Variants in RBFOX1 observed in about 807,000 individuals in gnomAD.
RBFOX1 encodes RNA binding fox-1 homolog 1.
In RBFOX1, 8 loss-of-function variants were observed where a neutral mutation model predicts 57.7. The ratio of observed to expected loss-of-function variants is 0.14; its 90% confidence interval spans 0.08 to 0.25. The LOEUF (loss-of-function observed/expected upper bound fraction) is 0.25. RBFOX1 is among the 10% of genes least tolerant of loss of function. RBFOX1 has a pLI of 1.00. For missense variants in RBFOX1, 611 were observed against 548.5 expected (o/e 1.11, Z -1.14); for synonymous variants, 326 against 222.4 (o/e 1.47, Z -4.15).
intron 4 of RBFOX1, among the ~76,000 whole-genome samples, chr16:7,204,542 A>T (rs2089500795): frequency 6.6e-6 from 1 of 152,144 alleles, no homozygotes; most frequent in South Asian, 2.1e-4. Context: ...GTTACGCAGG[A>T]AGCTGAGGAT....
At chr16:6,553,930 C>G (rs908954111) in intron 2 of RBFOX1, among the ~76,000 whole-genome samples, 1 of 152,094 alleles carries the variant, frequency 6.6e-6, no homozygotes, top group Admixed American at 6.6e-5. Flanking sequence ...TCATTCCCAA[C>G]AATTAAGTGT....
intron 3 of RBFOX1, among the ~76,000 whole-genome samples, chr16:6,994,335 C>A (rs751156632): frequency 1.3e-5 from 2 of 152,268 alleles, no homozygotes; most frequent in Non-Finnish European, 2.9e-5. Context: ...TGTCTAGAGT[C>A]TAATGATCTT....
At chr16:5,838,628 G>C (rs765303230) in intron 3 of RBFOX1, 1 of 156,852 alleles carries the variant, frequency 6.4e-6, no homozygotes, top group African/African-American at 2.4e-5. Flanking sequence ...ATCCATGTTA[G>C]CCTGTTTTTT....
At chr16:6,964,633 G>A (rs1217254849) in intron 3 of RBFOX1, among the ~76,000 whole-genome samples, 1 of 152,152 alleles carries the variant, frequency 6.6e-6, no homozygotes, top group Non-Finnish European at 1.5e-5. Context: ...ACGTTAGTTT[G>A]AAGAAAATAA....
At chr16:5,888,241 G>T (rs1169852618) in intron 4 of RBFOX1, among the ~76,000 whole-genome samples, 1 of 152,118 alleles carries the variant, frequency 6.6e-6, no homozygotes, top group Non-Finnish European at 1.5e-5. Flanking sequence ...CTTTCCACTT[G>T]GCCAGGTCCT....
chr16:7,237,732 G>A (rs2093841610), intron 4 of RBFOX1, among the ~76,000 whole-genome samples: 1 of 152,204 alleles, frequency 6.6e-6, no homozygotes, highest in African/African-American at 2.4e-5. Flanking sequence ...GGCCGACTGT[G>A]TGGTGGCTCT....
intron 9 of RBFOX1, among the ~76,000 whole-genome samples, chr16:7,602,120 C>T (rs1172291221): frequency 2.6e-5 from 4 of 152,180 alleles, no homozygotes; most frequent in Non-Finnish European, 4.4e-5. Context: ...AAGAGAAAGC[C>T]TGTGCTGATG....
chr16:5,884,265 G>T (rs905524997), intron 4 of RBFOX1, among the ~76,000 whole-genome samples: 1 of 152,174 alleles, frequency 6.6e-6, no homozygotes. Flanking sequence ...GCAGAGTGTT[G>T]TCCAGTGATA....
chr16:6,283,998 G>C (rs1046793451), intron 1 of RBFOX1, among the ~76,000 whole-genome samples: 3 of 152,168 alleles, frequency 2.0e-5, no homozygotes, highest in Admixed American at 2.0e-4. Flanking sequence ...TGATCTTAGT[G>C]AGCTGTGGAT....
At chr16:5,417,068 C>T (rs1215883267) in intron 1 of RBFOX1, among the ~76,000 whole-genome samples, 1 of 152,226 alleles carries the variant, frequency 6.6e-6, no homozygotes, top group African/African-American at 2.4e-5. Flanking sequence ...CCCAGTGAAT[C>T]CTACCGAAGT....
At position 7,168,519 on chromosome 16, in the gene RBFOX1, T is replaced by A. The variant is rs78591359; in HGVS notation, c.27+116421T>A. ...ATAAGCATCATTTGGCTCATACTGGTACAGAAAACCTTCAATTAAGTTGCA... is the reference window on the plus strand; with the variant it reads ...ATAAGCATCATTTGGCTCATACTGGAACAGAAAACCTTCAATTAAGTTGCA... On this transcript the variant is annotated intron_variant, in intron 4 of 15. Coordinates refer to ENST00000550418, the MANE Select transcript of RBFOX1 (RefSeq NM_018723.4). 2.9e-3 allele frequency among the ~76,000 whole-genome samples: 435 copies of A among 152,084 alleles called. 3 individuals carry two copies. Among genetic ancestry groups the A allele is most frequent in the African/African-American group, 0.01 (416 of 41,526 alleles).
intron 3 of RBFOX1, among the ~76,000 whole-genome samples, chr16:6,997,226 T>A (rs1216184978): frequency 6.6e-6 from 1 of 152,124 alleles, no homozygotes; most frequent in African/African-American, 2.4e-5. Flanking sequence ...AGATGGTAAG[T>A]CCCTTTGAAG....
chr16:5,983,938 C>T (rs1250175505), intron 4 of RBFOX1, among the ~76,000 whole-genome samples: 1 of 144,262 alleles, frequency 6.9e-6, no homozygotes, highest in African/African-American at 2.6e-5. Context: ...CCTCCTCCTC[C>T]TCCTCTTCCT....
At chr16:5,467,570 T>C (rs542460) in intron 2 of RBFOX1, among the ~76,000 whole-genome samples, 22,015 of 152,132 alleles carry the variant, frequency 0.14, 3,070 homozygotes, top group African/African-American at 0.37. Flanking sequence ...TATTTCATCA[T>C]TGAACTTTGA....
At chr16:5,742,270 T>TCC (rs2052798225) in intron 3 of RBFOX1, among the ~76,000 whole-genome samples, 1 of 101,570 alleles carries the variant, frequency 9.8e-6, no homozygotes, top group African/African-American at 3.6e-5. Flanking sequence ...CTTCTTTCCT[T>TCC]TCTTCCTCCC....
chr16:7,367,822 T>C (rs1293230839), intron 4 of RBFOX1, among the ~76,000 whole-genome samples: 1 of 152,122 alleles, frequency 6.6e-6, no homozygotes, highest in Admixed American at 6.5e-5. Flanking sequence ...TGTGGGGATA[T>C]TCATTATGAT....
chr16:6,164,845 AG>A (rs2096905410), intron 1 of RBFOX1, among the ~76,000 whole-genome samples: 1 of 152,158 alleles, frequency 6.6e-6, no homozygotes, highest in Non-Finnish European at 1.5e-5. Flanking sequence ...GTACTTGAAA[AG>A]TTTACTTCTG....
chr16:5,981,588 C>A (rs2060173692), intron 4 of RBFOX1, among the ~76,000 whole-genome samples: 2 of 152,096 alleles, frequency 1.3e-5, no homozygotes, highest in African/African-American at 2.4e-5. Context: ...CCTGCTTCAG[C>A]CTCATGAGTA....
chr16:5,548,673 A>C (rs2045333614), intron 2 of RBFOX1, among the ~76,000 whole-genome samples: 1 of 152,160 alleles, frequency 6.6e-6, no homozygotes, highest in South Asian at 2.1e-4. Flanking sequence ...AAAAAACTAA[A>C]AAAATTTAAA....
Sources: gnomAD v4.1 joint callset for allele counts (sites outside exome capture counted in the v4.1 genomes callset) on GRCh38, gnomAD v4.1.1 for gene constraint, MANE v1.5 for transcripts, NCBI Gene and HGNC (gene_info 2026-07-23, HGNC 2026-07-21) for gene names.